Variants in CLMP observed in about 807,000 individuals in gnomAD.
The protein encoded by CLMP is CXADR like cell adhesion molecule.
Under a neutral mutation model 45.2 loss-of-function variants are expected in CLMP, and 27 were observed. That is an observed-to-expected ratio of 0.60 (90% CI 0.44 to 0.82). The LOEUF (loss-of-function observed/expected upper bound fraction) is 0.82, where lower values mean the gene tolerates loss of function less well. Ranked by LOEUF, CLMP falls within the 40% of genes least tolerant of loss-of-function variation. CLMP has a pLI of 0.00. For missense variants in CLMP, 403 were observed against 448.4 expected, an observed-to-expected ratio of 0.90 and a Z score of 0.91; for synonymous variants, 167 against 171.4, an observed-to-expected ratio of 0.97 and a Z score of 0.20.
intron 6 of CLMP, 119 bp downstream of exon 6, chr11:123,074,583 G>A: frequency 9.5e-7 from 1 of 1,054,590 alleles, no homozygotes; most frequent in South Asian, 1.5e-5. Flanking sequence ...TACCTACCAG[G>A]ATAATCCTTT....
chr11:123,189,805 A>G (rs1861882197), intron 1 of CLMP, among the ~76,000 whole-genome samples: 1 of 152,192 alleles, frequency 6.6e-6, no homozygotes, highest in African/African-American at 2.4e-5. Flanking sequence ...GTTTGAGACC[A>G]GCCTGGCAAA....
intron 1 of CLMP, among the ~76,000 whole-genome samples, chr11:123,170,582 C>T (rs1861618689): frequency 6.6e-6 from 1 of 151,884 alleles, no homozygotes; most frequent in African/African-American, 2.4e-5. Context: ...TGGTACTATA[C>T]GCGCAGGCCA....
intron 1 of CLMP, among the ~76,000 whole-genome samples, chr11:123,115,487 AACT>A (rs1565386660): frequency 6.6e-6 from 1 of 152,200 alleles, no homozygotes; most frequent in Non-Finnish European, 1.5e-5. Context: ...GGCTTTCAGA[AACT>A]ACATGTCATT....
intron 1 of CLMP, among the ~76,000 whole-genome samples, chr11:123,159,909 A>G (rs1374127342): frequency 6.6e-6 from 1 of 152,196 alleles, no homozygotes; most frequent in Non-Finnish European, 1.5e-5. Flanking sequence ...CCTGATGATG[A>G]TGATAATTTT....
chr11:123,089,862 G>T (rs1176785079), intron 2 of CLMP, among the ~76,000 whole-genome samples: 1 of 151,800 alleles, frequency 6.6e-6, no homozygotes, highest in African/African-American at 2.4e-5. Context: ...CATTTTGGGA[G>T]ACCAAGGCGG....
chr11:123,184,394 C>A (rs556670745), intron 1 of CLMP, among the ~76,000 whole-genome samples: 1 of 152,256 alleles, frequency 6.6e-6, no homozygotes, highest in Non-Finnish European at 1.5e-5. Context: ...CGTGCCCAGC[C>A]GAAATAATAT....
At chr11:123,073,825 C>G in intron 6 of CLMP, 51 bp from the exon 7 acceptor site, 1 of 1,514,378 alleles carries the variant, frequency 6.6e-7, no homozygotes, top group African/African-American at 1.4e-5. Context: ...GTGATTGCTT[C>G]CAGTATGATT....
chr11:123,107,401 T>C (rs747512316), intron 1 of CLMP, among the ~76,000 whole-genome samples: 1 of 151,994 alleles, frequency 6.6e-6, no homozygotes, highest in Non-Finnish European at 1.5e-5. Flanking sequence ...TGGCAAATTT[T>C]CGTATTTTTA....
intron 1 of CLMP, among the ~76,000 whole-genome samples, chr11:123,135,336 G>GAA (rs1861057370): frequency 6.8e-6 from 1 of 147,240 alleles, no homozygotes; most frequent in Non-Finnish European, 1.5e-5. Context: ...TTAAAAAAAA[G>GAA]GTGGGGGGAG....
At position 123,173,433 on chromosome 11, in the gene CLMP, G is replaced by A. The variant is rs914922902; in HGVS notation, c.28+21480C>T. Among the ~76,000 whole-genome samples, 9 of 152,192 alleles carry A rather than the reference G, an allele frequency of 5.9e-5. No homozygotes were observed. The East Asian group carries it at 7.7e-4, about 13-fold the overall frequency. ...TCATGGACACATGTAGATGTGGGCC[G>A]ACATTCCTTTTTATACATGCCAGAT... On this transcript the variant is annotated intron_variant, in intron 1 of 6. Coordinates refer to ENST00000448775, the MANE Select transcript of CLMP (RefSeq NM_024769.5).
intron 1 of CLMP, chr11:123,136,060 T>C (rs1591472644): frequency 1.7e-6 from 1 of 598,556 alleles, no homozygotes; most frequent in East Asian, 4.3e-5. Context: ...ATCTGCCTTT[T>C]TGCTTTGTTT....
intron 1 of CLMP, among the ~76,000 whole-genome samples, chr11:123,180,395 C>G (rs1015487384): frequency 1.3e-5 from 2 of 152,074 alleles, no homozygotes; most frequent in Non-Finnish European, 2.9e-5. Context: ...AACGAAGCCC[C>G]AGAGAGCTCC....
intron 1 of CLMP, among the ~76,000 whole-genome samples, chr11:123,168,457 T>G (rs1317488085): frequency 6.6e-6 from 1 of 152,200 alleles, no homozygotes; most frequent in African/African-American, 2.4e-5. Context: ...CTGAGATAGT[T>G]GGGCAAGTTA....
intron 2 of CLMP, among the ~76,000 whole-genome samples, chr11:123,087,884 C>T (rs1201268162): frequency 6.6e-6 from 1 of 151,670 alleles, no homozygotes; most frequent in Non-Finnish European, 1.5e-5. Context: ...TCCTGTTGTA[C>T]TCTGTAGGGT....
intron 1 of CLMP, among the ~76,000 whole-genome samples, chr11:123,104,878 A>G (rs1458747387): frequency 6.6e-6 from 1 of 152,250 alleles, no homozygotes; most frequent in Non-Finnish European, 1.5e-5. Flanking sequence ...ATTGCACCCC[A>G]GAGAATTGAG....
chr11:123,134,399 A>G (rs1046660368), intron 1 of CLMP, among the ~76,000 whole-genome samples: 1 of 152,134 alleles, frequency 6.6e-6, no homozygotes, highest in Non-Finnish European at 1.5e-5. Flanking sequence ...TTTAACAAGT[A>G]TTATGATTAA....
intron 1 of CLMP, among the ~76,000 whole-genome samples, chr11:123,148,415 G>A (rs1861268510): frequency 6.6e-6 from 1 of 152,202 alleles, no homozygotes; most frequent in Non-Finnish European, 1.5e-5. Flanking sequence ...TAGCATGCAA[G>A]AATGTACCTG....
intron 1 of CLMP, among the ~76,000 whole-genome samples, chr11:123,113,863 A>G (rs1860679319): frequency 6.6e-6 from 1 of 152,188 alleles, no homozygotes; most frequent in South Asian, 2.1e-4. Flanking sequence ...CCTTGATAAT[A>G]TGCTATTTAT....
rs1403912708 is a variant in CLMP at position 123,144,745 on chromosome 11, T to C, written c.29-46793A>G. Among the ~76,000 whole-genome samples, 5 of 152,210 alleles carry C rather than the reference T, an allele frequency of 3.3e-5. No individual in the cohort carries two copies. In the South Asian group the frequency reaches 1.0e-3, roughly 31 times the overall value. On this transcript the variant is annotated intron_variant, in intron 1 of 6. Coordinates refer to ENST00000448775, the MANE Select transcript of CLMP (RefSeq NM_024769.5). The stretch of plus-strand genomic sequence containing the variant: ...GCATTGTGACAGAAAAGAAGTCATA[T>C]AAAGCAGTAGACAGAGTTTTTGAAG...
Sources: gnomAD v4.1 joint callset for allele counts (sites outside exome capture counted in the v4.1 genomes callset) on GRCh38, gnomAD v4.1.1 for gene constraint, MANE v1.5 for transcripts, NCBI Gene and HGNC (gene_info 2026-07-23, HGNC 2026-07-21) for gene names.